IGSF11: variants seen among roughly 807,000 people sequenced by gnomAD.
The protein encoded by IGSF11 is immunoglobulin superfamily member 11, also known as CXADR like 1.
IGSF11 carries 22 observed loss-of-function variants against 41.0 expected under a neutral mutation model. The ratio of observed to expected loss-of-function variants is 0.54; its 90% CI spans 0.38 to 0.77. The LOEUF is 0.77. Among genes scored for constraint, IGSF11 ranks in the 30% least tolerant of loss-of-function variants. IGSF11 has a pLI of 0.00. For synonymous variants in IGSF11, 219 were observed against 201.3 expected, an observed-to-expected ratio of 1.09 and a Z score of -0.74; for missense variants, 444 against 530.8, an observed-to-expected ratio of 0.84 and a Z score of 1.61.
At chr3:118,934,674 G>A (rs1188987033) in intron 1 of IGSF11, among the ~76,000 whole-genome samples, 2 of 152,070 alleles carry the variant, frequency 1.3e-5, no homozygotes, top group Non-Finnish European at 2.9e-5. Context: ...CTATTCCTTT[G>A]CATGCCCACC....
intron 1 of IGSF11, among the ~76,000 whole-genome samples, chr3:119,076,365 T>G (rs909561456): frequency 1.2e-4 from 18 of 152,246 alleles, no homozygotes; most frequent in Admixed American, 7.9e-4. Flanking sequence ...GGACTTCATG[T>G]CTAAAACACA....
At chr3:119,076,240 C>T (rs1413709112) in intron 1 of IGSF11, among the ~76,000 whole-genome samples, 3 of 152,306 alleles carry the variant, frequency 2.0e-5, no homozygotes, top group East Asian at 1.9e-4. Context: ...CCCTTCCTTA[C>T]ACCTTATACA....
chr3:119,138,458 G>A (rs183283142), intron 1 of IGSF11, among the ~76,000 whole-genome samples: 71 of 152,312 alleles, frequency 4.7e-4, no homozygotes, highest in Admixed American at 1.2e-3. Context: ...GCCAAAGCAG[G>A]CAGATCACTT....
At chr3:118,921,875 A>G (rs1049332515) in intron 4 of IGSF11, among the ~76,000 whole-genome samples, 2 of 152,180 alleles carry the variant, frequency 1.3e-5, no homozygotes, top group Admixed American at 1.3e-4. Flanking sequence ...CATAAGAGCA[A>G]GGCAAATTTT....
intron 1 of IGSF11, among the ~76,000 whole-genome samples, chr3:118,966,890 T>G (rs1351546971): frequency 1.3e-5 from 2 of 152,168 alleles, no homozygotes; most frequent in Non-Finnish European, 2.9e-5. Flanking sequence ...ATCTTTGGAA[T>G]GCACAGGGCT....
At chr3:119,057,027 A>G (rs578217781) in intron 1 of IGSF11, among the ~76,000 whole-genome samples, 37 of 152,120 alleles carry the variant, frequency 2.4e-4, no homozygotes, top group African/African-American at 7.5e-4. Context: ...TACTGAATGG[A>G]CAAAAACTGG....
intron 1 of IGSF11, among the ~76,000 whole-genome samples, chr3:119,074,140 C>G (rs2076451707): frequency 6.6e-6 from 1 of 152,140 alleles, no homozygotes; most frequent in Admixed American, 6.5e-5. Context: ...TATTTGGAAC[C>G]TAAACTTGAC....
chr3:119,112,952 G>C (rs1463639061), intron 1 of IGSF11, among the ~76,000 whole-genome samples: 1 of 152,204 alleles, frequency 6.6e-6, no homozygotes, highest in Non-Finnish European at 1.5e-5. Flanking sequence ...AAAGTGAAGA[G>C]GAAGCAGACA....
At chr3:119,017,039 C>CCAAAAA (rs1553713302) in intron 1 of IGSF11, among the ~76,000 whole-genome samples, 4 of 88,320 alleles carry the variant, frequency 4.5e-5, no homozygotes, top group Non-Finnish European at 2.5e-5. Flanking sequence ...GGACGCAGGA[C>CCAAAAA]AAAAAAAAAA....
chr3:119,034,477 G>T, intron 1 of IGSF11, 54 bp downstream of exon 1: 1 of 1,449,874 alleles, frequency 6.9e-7, no homozygotes, highest in Middle Eastern at 2.1e-4. Flanking sequence ...GCTTCGCCCC[G>T]GGCCCGCCGA....
chr3:118,917,378 A>G lies in IGSF11; in HGVS notation c.580+8723T>C, dbSNP rs963439488. On this transcript the variant is annotated intron_variant, in intron 4 of 6. Transcript: ENST00000393775. Reference sequence around the variant, plus strand: ...ACCACTAGCAAGACTAATAAAGAAAAAAAGAGAGAAGAATCAAACAGACAC... The same window carrying G: ...ACCACTAGCAAGACTAATAAAGAAAGAAAGAGAGAAGAATCAAACAGACAC... 9.8e-4 allele frequency among the ~76,000 whole-genome samples: 147 copies of G among 149,954 alleles called. 1 individual carries two copies. Among genetic ancestry groups the G allele is most frequent in the African/African-American group, 3.5e-3 (140 of 39,956 alleles).
chr3:119,059,285 C>T (rs1182407360), intron 1 of IGSF11, among the ~76,000 whole-genome samples: 1 of 151,756 alleles, frequency 6.6e-6, no homozygotes, highest in Non-Finnish European at 1.5e-5. Context: ...AGTTGGAGAC[C>T]ATTATTCTAT....
intron 1 of IGSF11, among the ~76,000 whole-genome samples, chr3:119,087,001 AGAGAC>A (rs1270300591): frequency 1.3e-5 from 2 of 152,248 alleles, no homozygotes; most frequent in Admixed American, 1.3e-4. Context: ...GTTGTCTTCA[AGAGAC>A]CTATCTCACA....
At chr3:119,082,800 G>C (rs6785914) in intron 1 of IGSF11, among the ~76,000 whole-genome samples, 25,573 of 152,022 alleles carry the variant, frequency 0.17, 2,638 homozygotes, top group Non-Finnish European at 0.24. Context: ...GAAGAATCTA[G>C]GAGGTATGAT....
At chr3:118,963,328 G>T (rs1186204549) in intron 1 of IGSF11, among the ~76,000 whole-genome samples, 2 of 152,136 alleles carry the variant, frequency 1.3e-5, no homozygotes, top group East Asian at 1.9e-4. Context: ...GACTTCAATG[G>T]ATTGTCTCTC....
chr3:118,914,050 A>G (rs1475548694), intron 4 of IGSF11, among the ~76,000 whole-genome samples: 1 of 152,160 alleles, frequency 6.6e-6, no homozygotes, highest in Non-Finnish European at 1.5e-5. Flanking sequence ...TTGGATAGAG[A>G]GTAGAGTTTT....
chr3:118,946,854 G>A (rs757268807), intron 1 of IGSF11, among the ~76,000 whole-genome samples: 5 of 152,228 alleles, frequency 3.3e-5, no homozygotes, highest in Non-Finnish European at 5.9e-5. Flanking sequence ...GCTCACGCCT[G>A]TAATCCCAGC....
At chr3:119,041,207 T>C (rs1381567138) in intron 1 of IGSF11, among the ~76,000 whole-genome samples, 1 of 152,226 alleles carries the variant, frequency 6.6e-6, no homozygotes, top group African/African-American at 2.4e-5. Flanking sequence ...GTCAAATATT[T>C]GCACTTTGAA....
At chr3:118,928,316 C>A (rs1323384801) in intron 3 of IGSF11, among the ~76,000 whole-genome samples, 193 bp downstream of exon 3, 2 of 152,012 alleles carry the variant, frequency 1.3e-5, no homozygotes, top group Non-Finnish European at 2.9e-5. Flanking sequence ...GTTTTAGAGA[C>A]CGCCGGAAAT....
Sources: allele counts gnomAD v4.1 joint callset (sites outside exome capture counted in the v4.1 genomes callset), GRCh38; gene constraint gnomAD v4.1.1; transcripts MANE v1.5; gene names NCBI Gene and HGNC (gene_info 2026-07-23, HGNC 2026-07-21).